The following KHDRBS2 variants were observed in gnomAD, a reference collection of about 807,000 sequenced individuals.
The protein encoded by KHDRBS2 is KH RNA binding domain containing, signal transduction associated 2.
In KHDRBS2, 26 loss-of-function variants were observed where a neutral mutation model predicts 44.3. The observed-to-expected ratio is 0.59, with a 90% CI of 0.43 to 0.81. KHDRBS2 has a LOEUF of 0.81. Among genes scored for constraint, KHDRBS2 ranks in the 40% least tolerant of loss-of-function variants. The probability of loss-of-function intolerance (pLI) is 0.00; values close to 1 mark genes in which losing one functional copy is unlikely to be tolerated. For synonymous variants in KHDRBS2, 194 were observed against 151.1 expected, an observed-to-expected ratio of 1.28 and a Z score of -2.08; for missense variants, 476 against 433.1, an observed-to-expected ratio of 1.10 and a Z score of -0.88.
chr6:61,993,662 T>G (rs1338391058), intron 3 of KHDRBS2, among the ~76,000 whole-genome samples: 2 of 122,832 alleles, frequency 1.6e-5, no homozygotes, highest in Admixed American at 1.8e-4. Flanking sequence ...TATATATATA[T>G]ATATATATAT....
At chr6:62,036,506 C>T (rs1193585511) in intron 3 of KHDRBS2, among the ~76,000 whole-genome samples, 4 of 151,836 alleles carry the variant, frequency 2.6e-5, no homozygotes, top group Non-Finnish European at 5.9e-5. Context: ...CACGATTTAC[C>T]CATGTAGCAA....
intron 6 of KHDRBS2, among the ~76,000 whole-genome samples, chr6:61,764,923 ATTG>A (rs1413668038): frequency 2.0e-5 from 3 of 151,244 alleles, no homozygotes; most frequent in Non-Finnish European, 4.4e-5. Flanking sequence ...TCAGGTGTGC[ATTG>A]TTGTACTTTT....
the KHDRBS2 span, among the ~76,000 whole-genome samples, chr6:61,544,616 G>C: frequency 1.1e-4 from 17 of 152,076 alleles, no homozygotes; most frequent in African/African-American, 3.9e-4. Flanking sequence ...CTCAGGTGTG[G>C]CTGAATGAAA....
chr6:62,010,467 G>C (rs1034872707), intron 3 of KHDRBS2, among the ~76,000 whole-genome samples: 1 of 152,156 alleles, frequency 6.6e-6, no homozygotes, highest in Non-Finnish European at 1.5e-5. Flanking sequence ...GGGAAGGCAT[G>C]ATTGGTTTTG....
intron 6 of KHDRBS2, among the ~76,000 whole-genome samples, chr6:61,793,909 A>G (rs554106628): frequency 6.6e-6 from 1 of 152,228 alleles, no homozygotes; most frequent in East Asian, 1.9e-4. Flanking sequence ...TTAATGCCAT[A>G]TATTATGATA....
intron 6 of KHDRBS2, among the ~76,000 whole-genome samples, chr6:61,771,329 C>T (rs952047200): frequency 6.6e-6 from 1 of 152,080 alleles, no homozygotes; most frequent in Non-Finnish European, 1.5e-5. Flanking sequence ...CAAATTCACA[C>T]ATAACAATAT....
intron 1 of KHDRBS2, among the ~76,000 whole-genome samples, chr6:62,184,330 A>T (rs1182193919): frequency 6.6e-6 from 1 of 151,766 alleles, no homozygotes; most frequent in Non-Finnish European, 1.5e-5. Flanking sequence ...CACGAGAAAG[A>T]TAGAAAATTT....
chr6:62,221,988 G>T (rs1225439237), intron 1 of KHDRBS2, among the ~76,000 whole-genome samples: 1 of 152,024 alleles, frequency 6.6e-6, no homozygotes, highest in Non-Finnish European at 1.5e-5. Context: ...TAAACAAGTA[G>T]CAAAAATAAA....
At chr6:61,940,207 G>C (rs551133534) in intron 4 of KHDRBS2, among the ~76,000 whole-genome samples, 1 of 151,502 alleles carries the variant, frequency 6.6e-6, no homozygotes, top group South Asian at 2.1e-4. Context: ...GCAGTTAAAA[G>C]GTCTTTGAAA....
chr6:62,074,922 G>A (rs139566361), intron 2 of KHDRBS2, among the ~76,000 whole-genome samples: 95 of 151,960 alleles, frequency 6.3e-4, no homozygotes, highest in African/African-American at 2.2e-3. Context: ...TGTCCCTACA[G>A]TTTTTGAATT....
intron 2 of KHDRBS2, among the ~76,000 whole-genome samples, chr6:62,173,586 A>G (rs1007470744): frequency 3.9e-5 from 6 of 152,186 alleles, no homozygotes; most frequent in Admixed American, 2.0e-4. Context: ...TCATCCTGAT[A>G]CCAAAACCTG....
the KHDRBS2 span, among the ~76,000 whole-genome samples, chr6:61,575,945 A>T: frequency 6.6e-6 from 1 of 152,086 alleles, no homozygotes; most frequent in Non-Finnish European, 1.5e-5. Context: ...AACTTTGGCG[A>T]ATTAGAGGGA....
chr6:61,869,307 T>C (rs1942740264), intron 6 of KHDRBS2, among the ~76,000 whole-genome samples: 1 of 152,176 alleles, frequency 6.6e-6, no homozygotes, highest in African/African-American at 2.4e-5. Flanking sequence ...AATTTCTTAA[T>C]AGCAATGTTA....
intron 3 of KHDRBS2, among the ~76,000 whole-genome samples, chr6:61,980,098 C>A (rs1773529493): frequency 6.6e-6 from 1 of 152,142 alleles, no homozygotes. Context: ...TGACCCTACT[C>A]TCCTTGGAAG....
chr6:61,854,117 T>C (rs986114210), intron 6 of KHDRBS2, among the ~76,000 whole-genome samples: 1 of 139,618 alleles, frequency 7.2e-6, no homozygotes, highest in Non-Finnish European at 1.6e-5. Context: ...TCTGGAACTC[T>C]CTAAAGAATT....
At chr6:61,926,372 C>G (rs767648415) in intron 4 of KHDRBS2, among the ~76,000 whole-genome samples, 5 of 152,080 alleles carry the variant, frequency 3.3e-5, no homozygotes, top group African/African-American at 1.2e-4. Context: ...GAAATGAAAC[C>G]TCTGCAGGCA....
chr6:61,628,480 A>G, the KHDRBS2 span, among the ~76,000 whole-genome samples: 8,728 of 151,938 alleles, frequency 0.057, 419 homozygotes, highest in African/African-American at 0.12. Flanking sequence ...ATTGTCTCCT[A>G]CGTACCTCTT....
chr6:61,969,330 G>T (rs1229238136), intron 4 of KHDRBS2, among the ~76,000 whole-genome samples: 1 of 152,032 alleles, frequency 6.6e-6, no homozygotes, highest in African/African-American at 2.4e-5. Context: ...GTTACTAGCA[G>T]ATTGTTAATC....
At chr6:62,103,763 T>G (rs208980) in intron 2 of KHDRBS2, among the ~76,000 whole-genome samples, 1 of 152,086 alleles carries the variant, frequency 6.6e-6, no homozygotes, top group Non-Finnish European at 1.5e-5. Flanking sequence ...CCAGGCAGGC[T>G]GCTGCTGCCA....
Sources: gnomAD v4.1 joint callset for allele counts (sites outside exome capture counted in the v4.1 genomes callset) on GRCh38, gnomAD v4.1.1 for gene constraint, MANE v1.5 for transcripts, NCBI Gene and HGNC (gene_info 2026-07-23, HGNC 2026-07-21) for gene names.